PACRGL: variants seen among roughly 807,000 people sequenced by gnomAD.
PACRGL encodes parkin coregulated like, also known as PACRG-like protein.
Under a neutral mutation model 34.5 loss-of-function variants are expected in PACRGL, and 38 were observed. The observed-to-expected ratio is 1.10, with a 90% confidence interval of 0.85 to 1.44. The LOEUF (loss-of-function observed/expected upper bound fraction) is 1.44. PACRGL is among the 40% of genes most tolerant of loss of function. The pLI is 0.00. For synonymous variants in PACRGL, 128 were observed against 100.1 expected (o/e 1.28, Z -1.66); for missense variants, 305 against 281.4 (o/e 1.08, Z -0.60).
chr4:20,708,206 T>A lies in PACRGL; in HGVS notation c.275+336T>A, dbSNP rs577067844. Among the ~76,000 whole-genome samples the A allele has an allele frequency of 2.0e-5, 3 of 152,318 alleles. No individual in the cohort carries two copies. In the East Asian group the frequency reaches 5.8e-4, roughly 29 times the overall value. On this transcript the variant is annotated intron_variant, in intron 4 of 8. Transcript: ENST00000503585. Reference sequence around the variant, plus strand: ...TATCTTGTTGGTAAAATGAAAGTTGTCAATTTAATGAAATTGTTTATATTT... The same window carrying A: ...TATCTTGTTGGTAAAATGAAAGTTGACAATTTAATGAAATTGTTTATATTT...
At chr4:20,763,234 C>G in the PACRGL span, among the ~76,000 whole-genome samples, 1 of 152,156 alleles carries the variant, frequency 6.6e-6, no homozygotes, top group African/African-American at 2.4e-5. Context: ...CATTTTGTCT[C>G]TCAAAAAGTT....
intron 8 of PACRGL, among the ~76,000 whole-genome samples, chr4:20,726,926 A>G (rs1483284720): frequency 6.6e-6 from 1 of 152,090 alleles, no homozygotes; most frequent in Non-Finnish European, 1.5e-5. Context: ...CATGAAACCC[A>G]TTTACTCTTC....
chr4:20,729,490 TAATTTTTA>T lies in PACRGL; in HGVS notation c.*2153_*2160del, dbSNP rs1747282689. 1 of 119,136 alleles carries T rather than the reference TAATTTTTA, an allele frequency of 8.4e-6. No individual in the cohort carries two copies. Among genetic ancestry groups the T allele is most frequent in the South Asian group, 3.2e-4 (1 of 3,166 alleles). The allele number at this position is 119,136 out of a possible 1,614,324, so 7.4% of individuals were successfully genotyped here. On this transcript the variant is annotated 3_prime_UTR_variant, in exon 9 of 9. Coordinates refer to ENST00000503585, the MANE Select transcript of PACRGL (RefSeq NM_001258345.3). ...AATAAACTAATTTTTAAATGTTTAA[TAATTTTTA>T]AATGTTTAAAAATGCCAGATAAAAC...
intron 1 of PACRGL, chr4:20,702,219 T>C (rs1732486337): frequency 2.2e-6 from 1 of 456,650 alleles, no homozygotes; most frequent in Non-Finnish European, 4.4e-6. Context: ...TTCCACTGAA[T>C]TGGTAGGTAG....
At chr4:20,726,551 GTTC>G (rs1422958171) in intron 8 of PACRGL, among the ~76,000 whole-genome samples, 1 of 152,028 alleles carries the variant, frequency 6.6e-6, no homozygotes, top group Non-Finnish European at 1.5e-5. Flanking sequence ...ACTAATGAAT[GTTC>G]TTCTTTCTCT....
rs1176730089 is a variant in PACRGL, at chr4:20,728,449, G to A, written c.*1108G>A. 4 of 152,158 alleles carry A rather than the reference G, an allele frequency of 2.6e-5. No homozygotes were observed. The East Asian group carries it at 7.7e-4, about 29-fold the overall frequency. 9.4% of individuals were successfully genotyped at this position (152,158 alleles called of 1,614,324 possible). The stretch of plus-strand genomic sequence containing the variant: ...AGTTCAGAATTTTGATGTAATAGAA[G>A]CAATTCCCTCTGGCTACAACAGCTG... On this transcript the variant is annotated 3_prime_UTR_variant, in exon 9 of 9. Transcript: ENST00000503585.
rs1448372076 is a variant in PACRGL at position 20,731,656 on chromosome 4, T to TGATA, written c.*4320_*4323dup. On this transcript the variant is annotated 3_prime_UTR_variant, in exon 9 of 9. Coordinates refer to ENST00000503585, the MANE Select transcript of PACRGL (RefSeq NM_001258345.3). The stretch of plus-strand genomic sequence containing the variant: ...TAGGAATTCTAATGCTGTGGAGATA[T>TGATA]GATAGATAATATATGAGTGATGCTA... 3.0e-6 allele frequency: 3 copies of TGATA among 985,148 alleles called. No individual in the cohort carries two copies. In the African/African-American group the frequency reaches 5.2e-5, roughly 17 times the overall value. 61.0% of individuals were successfully genotyped at this position (985,148 alleles called of 1,614,324 possible).
intron 8 of PACRGL, among the ~76,000 whole-genome samples, chr4:20,746,561 C>A (rs1053213837): frequency 6.6e-6 from 1 of 151,966 alleles, no homozygotes; most frequent in African/African-American, 2.4e-5. Context: ...CTATAGTTAA[C>A]ATCTAATAAC....
intron 8 of PACRGL, among the ~76,000 whole-genome samples, chr4:20,725,329 G>A (rs1399274070): frequency 4.0e-5 from 6 of 149,636 alleles, no homozygotes; most frequent in African/African-American, 1.5e-4. Context: ...CTGTCTGTAA[G>A]TGCGTGCATA....
At chr4:20,765,880 C>G in the PACRGL span, among the ~76,000 whole-genome samples, 1 of 152,172 alleles carries the variant, frequency 6.6e-6, no homozygotes. Flanking sequence ...TCAGTCCTCT[C>G]AGGCCATGTG....
chr4:20,758,013 A>G, the PACRGL span, among the ~76,000 whole-genome samples: 3 of 152,158 alleles, frequency 2.0e-5, no homozygotes, highest in Non-Finnish European at 2.9e-5. Context: ...CATCTGCTAC[A>G]CTAGGTATAA....
At chr4:20,733,354 C>T (rs1346433388), downstream of PACRGL, among the ~76,000 whole-genome samples, 1 of 152,056 alleles carries the variant, frequency 6.6e-6, no homozygotes, top group Non-Finnish European at 1.5e-5. Flanking sequence ...TTAACTTTTT[C>T]TCTAAAACAG....
chr4:20,700,988 G>A (rs538504382), intron 1 of PACRGL, among the ~76,000 whole-genome samples: 1 of 152,174 alleles, frequency 6.6e-6, no homozygotes, highest in South Asian at 2.1e-4. Flanking sequence ...CCTAATACTG[G>A]CCCTTTGAAT....
At chr4:20,716,113 G>T in intron 7 of PACRGL, 5 of 1,526,854 alleles carry the variant, frequency 3.3e-6, no homozygotes, top group Non-Finnish European at 4.4e-6. Flanking sequence ...CTAGGACCCT[G>T]TGCAGCTCAT....
chr4:20,722,429 T>G (rs1743779862), intron 7 of PACRGL, among the ~76,000 whole-genome samples: 1 of 152,230 alleles, frequency 6.6e-6, no homozygotes, highest in African/African-American at 2.4e-5. Flanking sequence ...CGCTGGGAGC[T>G]GTAGACTGGA....
chr4:20,737,123 A>C (rs577242053), downstream of PACRGL, among the ~76,000 whole-genome samples: 1 of 152,098 alleles, frequency 6.6e-6, no homozygotes, highest in Non-Finnish European at 1.5e-5. Context: ...TCCCATTGGC[A>C]TGAAGGGTAG....
At chr4:20,701,753 C>T (rs2874831) in intron 1 of PACRGL, 72,747 of 427,738 alleles carry the variant, frequency 0.17, 6,646 homozygotes, top group Admixed American at 0.19. Context: ...CCTCCCTCCC[C>T]CCAGTCTCTT....
At chr4:20,724,107 A>G (rs1455239969) in intron 7 of PACRGL, among the ~76,000 whole-genome samples, 2 of 152,218 alleles carry the variant, frequency 1.3e-5, no homozygotes, top group African/African-American at 2.4e-5. Context: ...TCCTCTATGC[A>G]AAATAAGCTA....
intron 7 of PACRGL, among the ~76,000 whole-genome samples, chr4:20,723,847 G>C (rs1046773764): frequency 6.6e-6 from 1 of 152,062 alleles, no homozygotes; most frequent in South Asian, 2.1e-4. Flanking sequence ...CTAGAAATAG[G>C]TTGTGTGAGG....
Sources: allele counts gnomAD v4.1 joint callset (sites outside exome capture counted in the v4.1 genomes callset), GRCh38; gene constraint gnomAD v4.1.1; transcripts MANE v1.5; gene names NCBI Gene and HGNC (gene_info 2026-07-23, HGNC 2026-07-21).